The following RIC3 variants were observed in gnomAD, a reference collection of about 807,000 sequenced individuals.
RIC3 encodes the protein RIC3 acetylcholine receptor chaperone, also known as protein RIC-3.
In RIC3, 28 loss-of-function variants were observed where a neutral mutation model predicts 27.3. The observed-to-expected ratio is 1.02, with a 90% CI of 0.76 to 1.41. The LOEUF (loss-of-function observed/expected upper bound fraction) is 1.41, where lower values mean the gene tolerates loss of function less well. RIC3 is among the 40% of genes most tolerant of loss of function. The pLI, the probability that RIC3 is intolerant of heterozygous loss-of-function variation, is 0.00. For missense variants in RIC3, 501 were observed against 444.7 expected, an observed-to-expected ratio of 1.13 and a Z score of -1.14; for synonymous variants, 184 against 160.4, an observed-to-expected ratio of 1.15 and a Z score of -1.11.
chr11:8,155,931 G>A (rs556305190), intron 1 of RIC3, among the ~76,000 whole-genome samples: 2 of 152,192 alleles, frequency 1.3e-5, no homozygotes, highest in South Asian at 2.1e-4. Flanking sequence ...CTTCCTCACC[G>A]GTCTCCTCCA....
chr11:8,145,184 A>T (rs1949542068), intron 1 of RIC3, among the ~76,000 whole-genome samples: 1 of 122,636 alleles, frequency 8.2e-6, no homozygotes, highest in Non-Finnish European at 1.6e-5. Flanking sequence ...GTATAATAAA[A>T]AAAAATTAAA....
chr11:8,100,490 TTC>T, the RIC3 span: 3 of 1,612,542 alleles, frequency 1.9e-6, no homozygotes, highest in South Asian at 1.1e-5. Flanking sequence ...CAGTGTTGCG[TTC>T]TCTTTCCCAG....
downstream of RIC3, chr11:8,105,463 A>T (rs904829879): frequency 6.8e-6 from 1 of 146,068 alleles, no homozygotes; most frequent in Non-Finnish European, 1.5e-5. Context: ...TACAGGCGGG[A>T]GGGGCAGAAC....
At chr11:8,112,465 T>G (rs1203899728) in intron 5 of RIC3, among the ~76,000 whole-genome samples, 3 of 152,130 alleles carry the variant, frequency 2.0e-5, no homozygotes, top group Non-Finnish European at 4.4e-5. Context: ...AGCTAATTTT[T>G]TGTATTTTTA....
At chr11:8,136,989 CTATT>C (rs1948495197) in intron 4 of RIC3, among the ~76,000 whole-genome samples, 1 of 151,958 alleles carries the variant, frequency 6.6e-6, no homozygotes, top group African/African-American at 2.4e-5. Flanking sequence ...AATAAGTGGT[CTATT>C]TATCAAAAAA....
At chr11:8,135,061 T>C (rs991831102) in intron 4 of RIC3, among the ~76,000 whole-genome samples, 39 of 152,184 alleles carry the variant, frequency 2.6e-4, no homozygotes, top group African/African-American at 8.2e-4. Flanking sequence ...CATGAAGTCC[T>C]TGTCCACGCC....
chr11:8,164,781 CAAAAAAAAAAAAAA>C (rs199958835), intron 1 of RIC3, among the ~76,000 whole-genome samples: 6,700 of 84,350 alleles, frequency 0.079, 298 homozygotes, highest in African/African-American at 0.15. Context: ...CTGTCTCTCT[CAAAAAAAAAAAAAA>C]AAAAAAAAAA....
At position 8,107,542 on chromosome 11, in the gene RIC3, A is replaced by C. The variant is rs1346144970; in HGVS notation, c.*3156T>G. 1 of 152,162 alleles carries C rather than the reference A, an allele frequency of 6.6e-6. No homozygotes were observed. The highest frequency in any genetic ancestry group is 6.5e-5 in the Admixed American group (1 of 15,274). The allele number at this position is 152,162 out of a possible 1,614,324, so 9.4% of individuals were successfully genotyped here. A position where few individuals can be genotyped will look rare whatever the true frequency, so the allele number is the denominator to read the frequency against. ...ATTATATTAAAGCTCCCTTTTTCCA[A>C]AGTGTTTGAATTTGGACCTTAAGTT... On this transcript the variant is annotated 3_prime_UTR_variant, in exon 6 of 6. Coordinates refer to ENST00000309737, the MANE Select transcript of RIC3 (RefSeq NM_001206671.4).
chr11:8,140,892 A>G (rs922988544), intron 1 of RIC3, among the ~76,000 whole-genome samples: 8 of 151,606 alleles, frequency 5.3e-5, no homozygotes, highest in African/African-American at 1.9e-4. Context: ...TTCTTAAAGA[A>G]AAGAATTTTC....
Position 8,107,591 on chromosome 11 carries a change from G to A in RIC3, c.*3107C>T, listed in dbSNP as rs1944805157. 1 of 152,158 alleles carries A rather than the reference G, an allele frequency of 6.6e-6. No homozygotes were observed. Among genetic ancestry groups the A allele is most frequent in the Admixed American group, 6.5e-5 (1 of 15,278 alleles). The allele number at this position is 152,158 out of a possible 1,614,324, so 9.4% of individuals were successfully genotyped here. On this transcript the variant is annotated 3_prime_UTR_variant, in exon 6 of 6. Coordinates refer to ENST00000309737, the MANE Select transcript of RIC3 (RefSeq NM_001206671.4). ...TTATTTGATCACCCAAGCCATATAA[G>A]GTGCATTGTATGGTTCTCAAAGGCC... is the stretch of plus-strand genomic sequence containing the variant.
chr11:8,153,761 G>T (rs1269092440), intron 1 of RIC3, among the ~76,000 whole-genome samples: 3 of 152,044 alleles, frequency 2.0e-5, no homozygotes, highest in African/African-American at 7.2e-5. Context: ...CAGTATATAT[G>T]TCTTCTTGTA....
At chr11:8,137,495 G>C (rs888555387) in intron 3 of RIC3, 24 bp from the exon 4 acceptor site, 1 of 1,599,518 alleles carries the variant, frequency 6.3e-7, no homozygotes. Flanking sequence ...AACAATCTAA[G>C]AACCATCAGA....
chr11:8,163,056 C>CACACACACAT (rs1433210806), intron 1 of RIC3, among the ~76,000 whole-genome samples: 7 of 146,896 alleles, frequency 4.8e-5, no homozygotes, highest in South Asian at 2.2e-4. Context: ...CACACATACA[C>CACACACACAT]ACACACACAC....
intron 4 of RIC3, among the ~76,000 whole-genome samples, chr11:8,133,977 TTTTC>T (rs1948053848): frequency 6.6e-6 from 1 of 151,282 alleles, no homozygotes; most frequent in East Asian, 1.9e-4. Context: ...TCATCTATGG[TTTTC>T]TTTTTTTTTT....
chr11:8,099,195 C>G, the RIC3 span, among the ~76,000 whole-genome samples: 1 of 152,100 alleles, frequency 6.6e-6, no homozygotes, highest in Non-Finnish European at 1.5e-5. Context: ...CCAGATCATC[C>G]CTCTGGCATG....
intron 1 of RIC3, among the ~76,000 whole-genome samples, chr11:8,140,942 G>A (rs867505635): frequency 6.7e-6 from 1 of 149,880 alleles, no homozygotes; most frequent in African/African-American, 2.5e-5. Flanking sequence ...AGCTTCATAA[G>A]TGAAGGAGAA....
chr11:8,138,733 G>A, intron 2 of RIC3: 1 of 220,988 alleles, frequency 4.5e-6, no homozygotes, highest in Non-Finnish European at 8.7e-6. Context: ...ATTTGCCCTG[G>A]CATGCTTATA....
chr11:8,144,430 T>C (rs1366478525), intron 1 of RIC3, among the ~76,000 whole-genome samples: 2 of 147,938 alleles, frequency 1.4e-5, no homozygotes, highest in Non-Finnish European at 3.0e-5. Flanking sequence ...CATGAAAAAA[T>C]GCTCATCATC....
intron 1 of RIC3, among the ~76,000 whole-genome samples, chr11:8,161,747 T>C (rs962108898): frequency 8.5e-5 from 13 of 152,202 alleles, no homozygotes; most frequent in Non-Finnish European, 1.8e-4. Context: ...AGCAAAGTGC[T>C]GTAATCCCAG....
Sources: allele counts gnomAD v4.1 joint callset (sites outside exome capture counted in the v4.1 genomes callset), GRCh38; gene constraint gnomAD v4.1.1; transcripts MANE v1.5; gene names NCBI Gene and HGNC (gene_info 2026-07-23, HGNC 2026-07-21).